ABI3BP: variants seen among roughly 807,000 people sequenced by gnomAD.
ABI3BP encodes target of Nesh-SH3.
In ABI3BP, 216 loss-of-function variants were observed where a neutral mutation model predicts 268.6. That is an observed-to-expected ratio of 0.80 (90% CI 0.72 to 0.90). The LOEUF (loss-of-function observed/expected upper bound fraction) is 0.90. Among genes scored for constraint, ABI3BP ranks in the 40% least tolerant of loss-of-function variants. The pLI is 0.00. For missense variants in ABI3BP, 2,090 were observed against 2,182.4 expected, an observed-to-expected ratio of 0.96 and a Z score of 0.84; for synonymous variants, 730 against 730.0, an observed-to-expected ratio of 1.00 and a Z score of 0.00.
chr3:100,894,951 A>AAAAAAAAAAAAAAC (rs2046739951), intron 4 of ABI3BP, among the ~76,000 whole-genome samples: 2 of 112,506 alleles, frequency 1.8e-5, no homozygotes, highest in South Asian at 2.5e-4. Flanking sequence ...AAAAAAAAAA[A>AAAAAAAAAAAAAAC]AAAAAAAAAA....
At chr3:100,841,855 A>C (rs1013266352) in intron 21 of ABI3BP, 143 bp downstream of exon 21, 25 of 658,916 alleles carry the variant, frequency 3.8e-5, no homozygotes, top group Non-Finnish European at 5.8e-5. Flanking sequence ...ACGCCACTGC[A>C]CTCCAGCCTG....
chr3:100,929,996 T>C lies in ABI3BP; in HGVS notation c.80-3515A>G, dbSNP rs553084335. On this transcript the variant is annotated intron_variant, in intron 1 of 67. Coordinates refer to ENST00000471714, the MANE Select transcript of ABI3BP (RefSeq NM_001375547.2). Reference sequence around the variant, plus strand: ...TCTCCAATAATTTGAGGTATGCCTATGTACATTCTACACTAATGTTTAATC... The same window carrying C: ...TCTCCAATAATTTGAGGTATGCCTACGTACATTCTACACTAATGTTTAATC... Among the ~76,000 whole-genome samples the C allele has an allele frequency of 1.2e-4, 18 of 152,206 alleles. No homozygotes were observed. In the South Asian group the frequency reaches 3.7e-3, roughly 32 times the overall value.
chr3:100,907,950 C>T (rs561532205), intron 2 of ABI3BP, among the ~76,000 whole-genome samples: 1 of 151,826 alleles, frequency 6.6e-6, no homozygotes, highest in Non-Finnish European at 1.5e-5. Context: ...CCCATCTCTA[C>T]TAAAAAATAC....
At chr3:100,844,424 A>G (rs767835008) in intron 20 of ABI3BP, 4 of 985,428 alleles carry the variant, frequency 4.1e-6, no homozygotes, top group Non-Finnish European at 4.8e-6. Context: ...GCCCAAATCA[A>G]TGTGGATTTT....
intron 32 of ABI3BP, 115 bp downstream of exon 32, chr3:100,830,463 A>G (rs993509613): frequency 1.2e-6 from 1 of 815,260 alleles, no homozygotes; most frequent in African/African-American, 1.7e-5. Flanking sequence ...AGTAATGAAT[A>G]ATAGAGGATA....
chr3:100,942,356 G>A (rs930790193), intron 1 of ABI3BP, among the ~76,000 whole-genome samples: 7 of 152,056 alleles, frequency 4.6e-5, no homozygotes, highest in Non-Finnish European at 7.4e-5. Flanking sequence ...CACAAAAGTA[G>A]TTTTTATCCC....
rs1194986815 is a variant in ABI3BP at position 100,835,661 on chromosome 3, C to A, written c.2132-1G>T. 1.3e-6 allele frequency: 2 copies of A among 1,533,710 alleles called. No homozygotes were observed. Among genetic ancestry groups the A allele is most frequent in the Non-Finnish European group, 1.7e-6 (2 of 1,145,370 alleles). ...ACAGGCTCAATGTCTGTGGTGGGAA[C>A]TAACCAAAAGCAATACAATAAACAA... On this transcript the variant is annotated splice_acceptor_variant, in intron 27 of 67. Transcript: ENST00000471714. LOFTEE classifies it high-confidence loss of function.
intron 2 of ABI3BP, among the ~76,000 whole-genome samples, chr3:100,907,138 C>T (rs966813908): frequency 6.6e-6 from 1 of 152,168 alleles, no homozygotes; most frequent in Non-Finnish European, 1.5e-5. Flanking sequence ...CTCTGTGTAC[C>T]TCAGTTTCCT....
Position 100,851,925 on chromosome 3 carries a change from A to G in ABI3BP, c.1301T>C (p.Phe434Ser), listed in dbSNP as rs1055949388. The G allele has an allele frequency of 1.0e-5, 16 of 1,574,896 alleles. No individual in the cohort carries two copies. The highest frequency in any genetic ancestry group is 1.4e-5 in the Non-Finnish European group (16 of 1,161,360). The change falls in exon 15 of 68, where the codon TTC becomes TCC. Residue 434 changes from phenylalanine to serine, a missense_variant. Transcript: ENST00000471714. ...CTCATCTGATGTTGTAGGGCTTGAG[A>G]AAACATCATAAGTTGCTTAAAAAAA... is the stretch of plus-strand genomic sequence containing the variant. Reference protein sequence around the residue: ...LQPQTATYDVFSSPTTSDEPE... With the variant: ...LQPQTATYDVSSSPTTSDEPE...
chr3:100,849,251 G>A (rs569613186), intron 17 of ABI3BP, among the ~76,000 whole-genome samples: 1 of 132,390 alleles, frequency 7.6e-6, no homozygotes, highest in South Asian at 2.4e-4. Flanking sequence ...TTTGGAGACA[G>A]AGTCTCACTC....
Position 100,828,394 on chromosome 3 carries a change from G to T in ABI3BP, c.2601C>A (p.Phe867Leu). 6.5e-7 allele frequency: 1 copy of T among 1,534,410 alleles called. No individual in the cohort carries two copies. The highest frequency in any genetic ancestry group is 1.7e-4 in the Middle Eastern group (1 of 5,986). The change falls in exon 34 of 68, where the codon TTC becomes TTA. Residue 867 changes from phenylalanine to leucine, a missense_variant and splice_region_variant. Transcript: ENST00000471714. ...SPIKEAPGTTFVPVTDLEPVT... is the reference protein window; with the variant it reads ...SPIKEAPGTTLVPVTDLEPVT... The stretch of plus-strand genomic sequence containing the variant: ...CTGAAGATCAAAAAGTGGCATTACC[G>T]AATGTTGTCCCTGGAGCCTCTTTTA...
At chr3:100,987,211 G>A (rs1300304386) in intron 1 of ABI3BP, among the ~76,000 whole-genome samples, 1 of 152,176 alleles carries the variant, frequency 6.6e-6, no homozygotes, top group African/African-American at 2.4e-5. Flanking sequence ...CAGATAGAGT[G>A]ATTGGTCCCA....
At chr3:100,940,788 A>C (rs867698631) in intron 1 of ABI3BP, among the ~76,000 whole-genome samples, 1 of 17,160 alleles carries the variant, frequency 5.8e-5, no homozygotes, top group Non-Finnish European at 1.1e-4. Context: ...TTACTTCACT[A>C]TATATATATA....
At chr3:100,958,575 T>C (rs1285502222) in intron 1 of ABI3BP, among the ~76,000 whole-genome samples, 1 of 152,186 alleles carries the variant, frequency 6.6e-6, no homozygotes, top group Non-Finnish European at 1.5e-5. Flanking sequence ...GGTTTCCACT[T>C]AGGATGTAAA....
chr3:100,894,888 G>A (rs1406827672), intron 4 of ABI3BP, among the ~76,000 whole-genome samples: 8 of 129,890 alleles, frequency 6.2e-5, no homozygotes, highest in Non-Finnish European at 1.1e-4. Flanking sequence ...ACAGTGAGCC[G>A]AGATCGCGCC....
intron 1 of ABI3BP, among the ~76,000 whole-genome samples, chr3:100,931,208 A>G (rs973674089): frequency 3.3e-5 from 5 of 152,148 alleles, no homozygotes; most frequent in African/African-American, 1.2e-4. Flanking sequence ...AATAAGAGCC[A>G]TCTATGACAA....
chr3:100,821,082 G>T lies in ABI3BP; in HGVS notation c.2919C>A (p.Leu973=), dbSNP rs2098205983. Residue 973 remains leucine, a synonymous_variant, in exon 39 of 68, where the codon CTC becomes CTA. Coordinates refer to ENST00000471714, the MANE Select transcript of ABI3BP (RefSeq NM_001375547.2). The part of the protein sequence containing the change: ...VPTAELKPVT[L]RTETWVTTQA... ...GTGTTGTCACCCAAGTCTCAGTTCT[G>T]AGTGTAACAGGTTTGAGCTCCGCAG... The T allele has an allele frequency of 4.6e-6, 7 of 1,535,960 alleles. 1 individual carries two copies. The East Asian group carries it at 1.7e-4, about 38-fold the overall frequency.
At chr3:100,893,028 C>T (rs180705319) in intron 4 of ABI3BP, among the ~76,000 whole-genome samples, 1 of 152,228 alleles carries the variant, frequency 6.6e-6, no homozygotes, top group East Asian at 1.9e-4. Flanking sequence ...ACCCACCCTC[C>T]ATTTGGGTGG....
Position 100,886,264 on chromosome 3 carries a change from C to G in ABI3BP, c.521G>C (p.Cys174Ser), listed in dbSNP as rs776657350. The change falls in exon 5 of 68, where the codon TGT (cysteine) becomes TCT (serine). Residue 174 changes from cysteine to serine, a missense_variant. By Grantham distance (112) the Cys-to-Ser change is moderately radical. Coordinates refer to ENST00000471714, the MANE Select transcript of ABI3BP (RefSeq NM_001375547.2). ...TTCCACAATTGTTTCAGTGGCTGGACAGATTTGAAAAATCCACTTCTTTTC... is the reference window on the plus strand; with the variant it reads ...TTCCACAATTGTTTCAGTGGCTGGAGAGATTTGAAAAATCCACTTCTTTTC... ...DKEKKWIFQI[C>S]PATETIVENL... is the part of the protein sequence containing the mutation. 38 of 1,610,032 alleles carry G rather than the reference C, an allele frequency of 2.4e-5. No homozygotes were observed. The East Asian group carries it at 8.1e-4, about 34-fold the overall frequency.
Sources: gnomAD v4.1 joint callset for allele counts (sites outside exome capture counted in the v4.1 genomes callset) on GRCh38, gnomAD v4.1.1 for gene constraint, MANE v1.5 for transcripts, NCBI Gene and HGNC (gene_info 2026-07-23, HGNC 2026-07-21) for gene names.